Variants in MYRIP observed in about 807,000 individuals in gnomAD.
MYRIP encodes the protein myosin VIIA and Rab interacting protein.
In MYRIP, 49 loss-of-function variants were observed where a neutral mutation model predicts 98.0. That is an observed-to-expected ratio of 0.50 (90% CI 0.40 to 0.63). The LOEUF (loss-of-function observed/expected upper bound fraction) is 0.63. Ranked by LOEUF, MYRIP falls within the 30% of genes least tolerant of loss-of-function variation. The pLI is 0.00. For missense variants in MYRIP, 1,004 were observed against 1,058.2 expected (o/e 0.95, Z 0.71); for synonymous variants, 404 against 409.5 (o/e 0.99, Z 0.16).
chr3:39,990,069 C>G (rs1203738105), intron 2 of MYRIP, among the ~76,000 whole-genome samples: 1 of 152,240 alleles, frequency 6.6e-6, no homozygotes, highest in Admixed American at 6.5e-5. Context: ...CAGATTCTAG[C>G]TTAGTGCCTG....
rs1366591806 is a variant in MYRIP, at chr3:40,132,205, A to T, written c.333-18843A>T. On this transcript the variant is annotated intron_variant, in intron 3 of 16. Coordinates refer to ENST00000302541, the MANE Select transcript of MYRIP (RefSeq NM_015460.4). The stretch of plus-strand genomic sequence containing the variant: ...ATTAAAAAAAAGACTTAGAGGGTTT[A>T]GAAAATATGCTGTTGTCTCTACAGC... Among the ~76,000 whole-genome samples, 3 of 152,204 alleles carry T rather than the reference A, an allele frequency of 2.0e-5. No individual in the cohort carries two copies. In the East Asian group the frequency reaches 5.8e-4, roughly 29 times the overall value.
chr3:39,874,880 C>G (rs946788436), intron 1 of MYRIP, among the ~76,000 whole-genome samples: 1 of 152,070 alleles, frequency 6.6e-6, no homozygotes, highest in Admixed American at 6.5e-5. Flanking sequence ...AAGATTCCCT[C>G]TTTTTCTATT....
chr3:40,081,131 T>C (rs544608087), intron 3 of MYRIP, among the ~76,000 whole-genome samples: 1 of 152,262 alleles, frequency 6.6e-6, no homozygotes, highest in Non-Finnish European at 1.5e-5. Context: ...TTCTCTGAAA[T>C]GTATTTAGAC....
rs145361442 is a variant in MYRIP, at chr3:39,975,102, A to G, written c.111-68948A>G. On this transcript the variant is annotated intron_variant, in intron 2 of 16. Transcript: ENST00000302541. Reference sequence around the variant, plus strand: ...TTCAATTAGGAAAAAGAGGAAGTCAAATTGTCCCTGTTTGCAGATGACATG... The same window carrying G: ...TTCAATTAGGAAAAAGAGGAAGTCAGATTGTCCCTGTTTGCAGATGACATG... Among the ~76,000 whole-genome samples the G allele has an allele frequency of 7.6e-3, 1,162 of 152,318 alleles. 9 individuals carry two copies. Among genetic ancestry groups the G allele is most frequent in the African/African-American group, 0.027 (1,115 of 41,576 alleles).
intron 9 of MYRIP, among the ~76,000 whole-genome samples, chr3:40,187,158 T>C (rs1951060685): frequency 2.0e-5 from 3 of 152,224 alleles, no homozygotes; most frequent in Non-Finnish European, 4.4e-5. Context: ...ATTCAACAGA[T>C]ATAAGCTAAA....
intron 2 of MYRIP, among the ~76,000 whole-genome samples, chr3:39,971,775 C>G (rs1196588805): frequency 6.6e-6 from 1 of 151,976 alleles, no homozygotes. Context: ...TTATTTATTC[C>G]TTATGACAAG....
intron 5 of MYRIP, among the ~76,000 whole-genome samples, chr3:40,164,543 G>A (rs370930190): frequency 1.3e-5 from 2 of 152,224 alleles, no homozygotes; most frequent in African/African-American, 4.8e-5. Flanking sequence ...TCAACTGACT[G>A]TAGATGTTAA....
rs534019333 is a variant in MYRIP, at chr3:40,242,058, A to G, written c.2101-2388A>G. The G allele has an allele frequency of 6.6e-5, 10 of 152,316 alleles. No individual in the cohort carries two copies. The East Asian group carries it at 1.9e-3, about 29-fold the overall frequency. 9.4% of individuals were successfully genotyped at this position (152,316 alleles called of 1,614,324 possible). ...CAAGGAGGATAAAGGCAAGGGAACT[A>G]GCTTCAGCCCTCCTGAGATCACTTC... On this transcript the variant is annotated intron_variant, in intron 12 of 16. Coordinates refer to ENST00000302541, the MANE Select transcript of MYRIP (RefSeq NM_015460.4).
At chr3:39,997,521 C>T (rs1256066906) in intron 2 of MYRIP, among the ~76,000 whole-genome samples, 1 of 152,176 alleles carries the variant, frequency 6.6e-6, no homozygotes, top group African/African-American at 2.4e-5. Flanking sequence ...ATAACAGGCT[C>T]TGTAATTCAG....
chr3:40,200,336 A>G (rs1951521127), intron 10 of MYRIP, among the ~76,000 whole-genome samples: 1 of 152,060 alleles, frequency 6.6e-6, no homozygotes, highest in Non-Finnish European at 1.5e-5. Context: ...GGCTCAATTC[A>G]AAGTCCTCTT....
intron 2 of MYRIP, among the ~76,000 whole-genome samples, chr3:39,961,166 T>C (rs1252376862): frequency 1.3e-5 from 2 of 152,116 alleles, no homozygotes; most frequent in African/African-American, 4.8e-5. Context: ...TGTTCAGGGT[T>C]AAAGTCAAGG....
At chr3:39,967,793 G>T (rs1381649984) in intron 2 of MYRIP, among the ~76,000 whole-genome samples, 2 of 152,128 alleles carry the variant, frequency 1.3e-5, no homozygotes, top group Non-Finnish European at 2.9e-5. Flanking sequence ...GCATGAGATG[G>T]TATCTCACTG....
intron 2 of MYRIP, among the ~76,000 whole-genome samples, chr3:39,968,222 G>GT (rs34248673): frequency 0.19 from 27,838 of 147,398 alleles, 4,935 homozygotes; most frequent in African/African-American, 0.46. Context: ...CATTTAACTT[G>GT]TTTTTTTTTT....
chr3:39,928,453 T>C (rs1944467103), intron 2 of MYRIP, among the ~76,000 whole-genome samples: 1 of 151,802 alleles, frequency 6.6e-6, no homozygotes, highest in African/African-American at 2.4e-5. Context: ...TAACAAAATG[T>C]AGCAATATAT....
At chr3:39,902,556 T>C (rs967874214) in intron 2 of MYRIP, among the ~76,000 whole-genome samples, 1 of 152,190 alleles carries the variant, frequency 6.6e-6, no homozygotes, top group Non-Finnish European at 1.5e-5. Context: ...CCTAAACCTC[T>C]GTGGAATGGA....
chr3:39,911,202 C>T (rs9883071), intron 2 of MYRIP, among the ~76,000 whole-genome samples: 9,304 of 152,146 alleles, frequency 0.061, 745 homozygotes, highest in African/African-American at 0.18. Flanking sequence ...ACATCTTTGG[C>T]GCCGTAAAGT....
intron 2 of MYRIP, among the ~76,000 whole-genome samples, chr3:40,028,500 A>G (rs1391995766): frequency 6.6e-6 from 1 of 152,174 alleles, no homozygotes; most frequent in Non-Finnish European, 1.5e-5. Context: ...TTTCTAATCC[A>G]ATGGAAAGAC....
chr3:39,908,679 T>G (rs1375765597), intron 2 of MYRIP, among the ~76,000 whole-genome samples: 1 of 152,202 alleles, frequency 6.6e-6, no homozygotes, highest in Admixed American at 6.5e-5. Flanking sequence ...AAACAAAAAT[T>G]TTATTATAAG....
chr3:40,238,454 G>A lies in MYRIP; in HGVS notation c.2100+4401G>A, dbSNP rs961420916. Among the ~76,000 whole-genome samples, 10 of 152,134 alleles carry A rather than the reference G, an allele frequency of 6.6e-5. 1 individual carries two copies. The highest frequency in any genetic ancestry group is 6.2e-4 in the South Asian group (3 of 4,828). The stretch of plus-strand genomic sequence containing the variant: ...ATAAAGAACAGTCCTGCACTCCTCC[G>A]CTGTTCTCCATTGTGCTGGGGAACC... On this transcript the variant is annotated intron_variant, in intron 12 of 16. Coordinates refer to ENST00000302541, the MANE Select transcript of MYRIP (RefSeq NM_015460.4).
Sources: gnomAD v4.1 joint callset for allele counts (sites outside exome capture counted in the v4.1 genomes callset) on GRCh38, gnomAD v4.1.1 for gene constraint, MANE v1.5 for transcripts, NCBI Gene and HGNC (gene_info 2026-07-23, HGNC 2026-07-21) for gene names.